SHISA6: variants seen among roughly 807,000 people sequenced by gnomAD.
SHISA6 encodes the protein protein shisa-6.
Under a neutral mutation model 47.9 loss-of-function variants are expected in SHISA6, and 22 were observed. The ratio of observed to expected loss-of-function variants is 0.46; its 90% CI spans 0.33 to 0.66. SHISA6 has a LOEUF of 0.66. SHISA6 is among the 30% of genes least tolerant of loss of function. The pLI, the probability that SHISA6 is intolerant of heterozygous loss-of-function variation, is 0.02. For synonymous variants in SHISA6, 388 were observed against 337.8 expected, an observed-to-expected ratio of 1.15 and a Z score of -1.63; for missense variants, 680 against 764.6, an observed-to-expected ratio of 0.89 and a Z score of 1.30.
intron 3 of SHISA6, among the ~76,000 whole-genome samples, chr17:11,435,292 T>G (rs1000832407): frequency 3.9e-5 from 6 of 152,220 alleles, no homozygotes; most frequent in Non-Finnish European, 8.8e-5. Flanking sequence ...CACATTTACT[T>G]GTAGGTCCCT....
chr17:11,264,244 C>T (rs1462763788), intron 2 of SHISA6, among the ~76,000 whole-genome samples: 2 of 152,122 alleles, frequency 1.3e-5, no homozygotes, highest in African/African-American at 4.8e-5. Context: ...TTGTTCTGTG[C>T]CAAGAGTCAT....
intron 1 of SHISA6, among the ~76,000 whole-genome samples, chr17:11,249,137 C>CAAA (rs139559354): frequency 1.5e-4 from 9 of 60,486 alleles, no homozygotes; most frequent in African/African-American, 2.3e-4. Context: ...GACTCCGTCT[C>CAAA]AAAAAAAAAA....
chr17:11,363,590 T>A (rs1408160344), intron 2 of SHISA6, among the ~76,000 whole-genome samples: 1 of 152,158 alleles, frequency 6.6e-6, no homozygotes, highest in Non-Finnish European at 1.5e-5. Flanking sequence ...CTCTTGTTGT[T>A]ATAGTTGGGG....
chr17:11,336,907 G>A (rs922820784), intron 2 of SHISA6, among the ~76,000 whole-genome samples: 3 of 152,216 alleles, frequency 2.0e-5, no homozygotes, highest in African/African-American at 7.2e-5. Flanking sequence ...AGGGCAGGCA[G>A]CACAGAGGTG....
intron 3 of SHISA6, among the ~76,000 whole-genome samples, chr17:11,444,435 A>G (rs888088511): frequency 6.6e-6 from 1 of 152,224 alleles, no homozygotes; most frequent in Non-Finnish European, 1.5e-5. Flanking sequence ...TATATGGCAC[A>G]TGTGAAATTC....
chr17:11,399,615 T>C (rs1913695863), intron 3 of SHISA6, among the ~76,000 whole-genome samples: 1 of 152,020 alleles, frequency 6.6e-6, no homozygotes, highest in Non-Finnish European at 1.5e-5. Context: ...AGAGACAGGG[T>C]TTCACTATGT....
At chr17:11,555,591 G>T in intron 4 of SHISA6, 149 bp from the exon 5 acceptor site, 1 of 901,108 alleles carries the variant, frequency 1.1e-6, no homozygotes, top group East Asian at 2.9e-5. Flanking sequence ...AACTGAGCAT[G>T]AGGGAAACTG....
chr17:11,294,749 ATC>A, intron 2 of SHISA6, among the ~76,000 whole-genome samples: 1 of 152,170 alleles, frequency 6.6e-6, no homozygotes, highest in East Asian at 1.9e-4. Context: ...CCCTGCACAA[ATC>A]TCTCTTTGCT....
intron 3 of SHISA6, among the ~76,000 whole-genome samples, chr17:11,488,971 G>A (rs1916413527): frequency 6.6e-6 from 1 of 152,162 alleles, no homozygotes; most frequent in South Asian, 2.1e-4. Flanking sequence ...GCTCCCTGAT[G>A]AGTCTGTTTC....
intron 1 of SHISA6, among the ~76,000 whole-genome samples, chr17:11,251,793 C>G (rs1029621759): frequency 6.6e-6 from 1 of 152,164 alleles, no homozygotes; most frequent in African/African-American, 2.4e-5. Context: ...CCGGTTCTCT[C>G]AAGTCCCCTG....
intron 3 of SHISA6, among the ~76,000 whole-genome samples, chr17:11,381,999 A>G (rs1913025751): frequency 6.6e-6 from 1 of 152,152 alleles, no homozygotes; most frequent in South Asian, 2.1e-4. Context: ...TTCAAGAACA[A>G]AGAATCTGGG....
intron 2 of SHISA6, among the ~76,000 whole-genome samples, chr17:11,335,168 G>A (rs548318796): frequency 8.5e-5 from 13 of 152,296 alleles, no homozygotes; most frequent in African/African-American, 2.9e-4. Flanking sequence ...AAAGATACTC[G>A]CAACCCATAG....
intron 3 of SHISA6, among the ~76,000 whole-genome samples, chr17:11,434,446 T>C (rs1914879549): frequency 6.6e-6 from 1 of 152,170 alleles, no homozygotes; most frequent in Non-Finnish European, 1.5e-5. Flanking sequence ...ATATTTGGAG[T>C]GGTGTCTAAT....
At chr17:11,529,036 C>G (rs1039448071) in intron 3 of SHISA6, among the ~76,000 whole-genome samples, 1 of 151,580 alleles carries the variant, frequency 6.6e-6, no homozygotes, top group Non-Finnish European at 1.5e-5. Flanking sequence ...ACTAAAAATA[C>G]AAAAAAATTA....
At chr17:11,245,946 A>G (rs912716531) in intron 1 of SHISA6, among the ~76,000 whole-genome samples, 1 of 152,200 alleles carries the variant, frequency 6.6e-6, no homozygotes, top group Non-Finnish European at 1.5e-5. Context: ...ATTTCCTCAC[A>G]GGCCACATAA....
At position 11,563,616 on chromosome 17, in the gene SHISA6, T is replaced by C. The variant is rs966278568; in HGVS notation, c.*5312T>C. The C allele has an allele frequency of 6.6e-6, 1 of 152,194 alleles. No homozygotes were observed. The highest frequency in any genetic ancestry group is 1.5e-5 in the Non-Finnish European group (1 of 68,036). The allele number at this position is 152,194 out of a possible 1,614,324, so 9.4% of individuals were successfully genotyped here. A position where few individuals can be genotyped will look rare whatever the true frequency, so the allele number is the denominator to read the frequency against. On this transcript the variant is annotated 3_prime_UTR_variant, in exon 6 of 6. Coordinates refer to ENST00000441885, the MANE Select transcript of SHISA6 (RefSeq NM_207386.4). The stretch of plus-strand genomic sequence containing the variant: ...GCCACACCATGGGAGGACTCATTCA[T>C]TGGCTTTGTAGTGGCAAATATTCCT...
intron 1 of SHISA6, among the ~76,000 whole-genome samples, 162 bp downstream of exon 1, chr17:11,242,222 G>GC (rs924510848): frequency 3.5e-4 from 54 of 152,194 alleles, no homozygotes; most frequent in African/African-American, 1.3e-3. Flanking sequence ...GTCTTCTTGT[G>GC]CCCCCTCCTC....
intron 3 of SHISA6, among the ~76,000 whole-genome samples, chr17:11,385,426 A>G (rs1296561378): frequency 6.6e-6 from 1 of 151,902 alleles, no homozygotes; most frequent in Non-Finnish European, 1.5e-5. Context: ...TCTGGCTTCC[A>G]CTCTGGGGAA....
intron 3 of SHISA6, among the ~76,000 whole-genome samples, chr17:11,402,220 G>A (rs76717835): frequency 0.018 from 2,789 of 152,188 alleles, 90 homozygotes; most frequent in African/African-American, 0.052. Flanking sequence ...CTTCAAATGG[G>A]TGTTGGGGAA....
Sources: gnomAD v4.1 joint callset for allele counts (sites outside exome capture counted in the v4.1 genomes callset) on GRCh38, gnomAD v4.1.1 for gene constraint, MANE v1.5 for transcripts, NCBI Gene and HGNC (gene_info 2026-07-23, HGNC 2026-07-21) for gene names.